BCL2L15: variants seen among roughly 807,000 people sequenced by gnomAD.
The protein encoded by BCL2L15 is bcl-2-like protein 15.
A neutral mutation model predicts 18.3 loss-of-function variants in BCL2L15; 15 were observed. The observed-to-expected ratio is 0.82, with a 90% CI of 0.55 to 1.26. The LOEUF is 1.26. Ranked by LOEUF, BCL2L15 falls within the 50% of genes most tolerant of loss-of-function variation. The probability of loss-of-function intolerance (pLI) is 0.00; values close to 1 mark genes in which losing one functional copy is unlikely to be tolerated. For missense variants in BCL2L15, 180 were observed against 201.7 expected, an observed-to-expected ratio of 0.89 and a Z score of 0.65; for synonymous variants, 58 against 68.5, an observed-to-expected ratio of 0.85 and a Z score of 0.76.
At chr1:113,881,718 T>A in intron 3 of BCL2L15, 55 bp downstream of exon 3, 1 of 1,540,958 alleles carries the variant, frequency 6.5e-7, no homozygotes, top group Non-Finnish European at 8.8e-7. Flanking sequence ...ATCCCAGGTA[T>A]TAGTACAAAA....
intron 1 of BCL2L15, 54 bp downstream of exon 1, chr1:113,887,195 G>T: frequency 1.3e-6 from 2 of 1,547,668 alleles, no homozygotes; most frequent in Non-Finnish European, 1.8e-6. Flanking sequence ...ACTGCGCCCG[G>T]CTGAAAACAT....
intron 2 of BCL2L15, among the ~76,000 whole-genome samples, chr1:113,882,758 T>G (rs922998867): frequency 2.0e-5 from 3 of 151,676 alleles, no homozygotes; most frequent in Admixed American, 2.0e-4. Context: ...GGGCAACATA[T>G]TGAGACCCTG....
At chr1:113,883,180 T>C (rs1047468488) in intron 2 of BCL2L15, among the ~76,000 whole-genome samples, 1 of 151,794 alleles carries the variant, frequency 6.6e-6, no homozygotes, top group Non-Finnish European at 1.5e-5. Flanking sequence ...TAAATATCAT[T>C]CTCCATTAAA....
Position 113,887,331 on chromosome 1 carries a change from C to T in BCL2L15, c.45G>A (p.Val15=). The T allele has an allele frequency of 6.2e-7, 1 of 1,614,146 alleles. No individual in the cohort carries two copies. Among genetic ancestry groups the T allele is most frequent in the African/African-American group, 1.3e-5 (1 of 75,046 alleles). The change falls in exon 1 of 4, where the codon GTG becomes GTA. Residue 15 remains valine, a synonymous_variant. Transcript: ENST00000393316. ...QTFEEQTECI[V]NTLLMDFLSP... ...TCAAGAAGTCCATGAGTAGAGTGTT[C>T]ACAATGCATTCCGTTTGTTCCTCAA...
At position 113,876,946 on chromosome 1, in the gene BCL2L15, G is replaced by T. The variant is rs539095451; in HGVS notation, c.*4177C>A. ...ATTCAGCAATCCTTTATCCTAGTGG[G>T]GAAGATGACTATACAGATAATTACA... On this transcript the variant is annotated 3_prime_UTR_variant, in exon 4 of 4. Transcript: ENST00000393316. Among the ~76,000 whole-genome samples, 1 of 152,136 alleles carries T rather than the reference G, an allele frequency of 6.6e-6. No homozygotes were observed. The highest frequency in any genetic ancestry group is 2.4e-5 in the African/African-American group (1 of 41,482).
chr1:113,887,144 C>T (rs1667061666), intron 1 of BCL2L15, 105 bp downstream of exon 1: 1 of 1,056,868 alleles, frequency 9.5e-7, no homozygotes, highest in Non-Finnish European at 1.4e-6. Context: ...GTGATCCACC[C>T]ACCTTGGCCT....
At chr1:113,882,945 GTAGT>G (rs758193313) in intron 2 of BCL2L15, among the ~76,000 whole-genome samples, 13 of 148,912 alleles carry the variant, frequency 8.7e-5, no homozygotes, top group East Asian at 4.2e-4. Flanking sequence ...CTCAAAAATA[GTAGT>G]TAATTAGAAT....
intron 2 of BCL2L15, among the ~76,000 whole-genome samples, chr1:113,885,911 A>G (rs1165904808): frequency 2.0e-5 from 3 of 149,178 alleles, no homozygotes; most frequent in Non-Finnish European, 4.5e-5. Flanking sequence ...CTCCATCTCA[A>G]AAAAAAAAAG....
rs1231075363 is a variant in BCL2L15 at position 113,881,136 on chromosome 1, T to C, written c.479A>G (p.Asn160Ser). Residue 160 changes from asparagine (N) to serine (S), a missense_variant, in exon 4 of 4, where the codon AAT becomes AGT. Physicochemically the swap from Asn to Ser is conservative, Grantham distance 46. Coordinates refer to ENST00000393316, the MANE Select transcript of BCL2L15 (RefSeq NM_001010922.3). ...EFIQGQGGWE[N>S]LES is the part of the protein sequence containing the mutation. ...AGCTCCAACTCTTCAGCTCTCCAGATTTTCCTAGGGAAGACAGAGAAAATC... is the reference window on the plus strand; with the variant it reads ...AGCTCCAACTCTTCAGCTCTCCAGACTTTCCTAGGGAAGACAGAGAAAATC... 3.7e-6 allele frequency: 6 copies of C among 1,614,158 alleles called. No individual in the cohort carries two copies. Among genetic ancestry groups the C allele is most frequent in the Non-Finnish European group, 5.1e-6 (6 of 1,180,010 alleles).
At position 113,884,389 on chromosome 1, in the gene BCL2L15, G is replaced by C. The variant is rs543702101; in HGVS notation, c.249+2148C>G. 3.4e-4 allele frequency among the ~76,000 whole-genome samples: 52 copies of C among 152,262 alleles called. No homozygotes were observed. The South Asian group carries it at 0.011, about 32-fold the overall frequency. On this transcript the variant is annotated intron_variant, in intron 2 of 3. Coordinates refer to ENST00000393316, the MANE Select transcript of BCL2L15 (RefSeq NM_001010922.3). ...GTCAAGGTCATGAAAATCAAGGAAA[G>C]ACTAAGGAAAAATTCCAGATTGAAG... is the stretch of plus-strand genomic sequence containing the variant.
intron 2 of BCL2L15, among the ~76,000 whole-genome samples, chr1:113,884,266 T>C (rs763182710): frequency 3.4e-4 from 52 of 152,210 alleles, no homozygotes; most frequent in Non-Finnish European, 5.6e-4. Context: ...TTCTGTGATA[T>C]TCCTGCCAAA....
rs1418194084 is a variant in BCL2L15, at chr1:113,881,067, T to A, written c.*56A>T. 1 of 1,612,936 alleles carries A rather than the reference T, an allele frequency of 6.2e-7. No homozygotes were observed. Among genetic ancestry groups the A allele is most frequent in the Admixed American group, 1.7e-5 (1 of 59,970 alleles). On this transcript the variant is annotated 3_prime_UTR_variant, in exon 4 of 4. Transcript: ENST00000393316. ...GTTTGTTTGAATTCCCAGGAATCAA[T>A]CACCCAATCAGTCAACAAGGAAGTG...
At position 113,879,100 on chromosome 1, in the gene BCL2L15, C is replaced by G. The variant is rs1666797864; in HGVS notation, c.*2023G>C. The G allele has an allele frequency of 6.6e-6, 1 of 152,252 alleles. No individual in the cohort carries two copies. The highest frequency in any genetic ancestry group is 1.5e-5 in the Non-Finnish European group (1 of 68,072). The allele number at this position is 152,252 out of a possible 1,614,324, so 9.4% of individuals were successfully genotyped here. On this transcript the variant is annotated 3_prime_UTR_variant, in exon 4 of 4. Coordinates refer to ENST00000393316, the MANE Select transcript of BCL2L15 (RefSeq NM_001010922.3). Reference sequence around the variant, plus strand: ...TCCTAACCTCAGGTGATCCACCCGCCTTGGCCTCCCAAAGTGCTGGGATTA... The same window carrying G: ...TCCTAACCTCAGGTGATCCACCCGCGTTGGCCTCCCAAAGTGCTGGGATTA...
chr1:113,883,369 C>A (rs982741820), intron 2 of BCL2L15, among the ~76,000 whole-genome samples: 8 of 151,750 alleles, frequency 5.3e-5, no homozygotes, highest in African/African-American at 2.4e-5. Flanking sequence ...GTAATCCCAG[C>A]TACTCAGGAG....
Position 113,883,408 on chromosome 1 carries a change from G to A in BCL2L15, c.250-1411C>T, listed in dbSNP as rs578074319. 3.3e-4 allele frequency among the ~76,000 whole-genome samples: 50 copies of A among 150,778 alleles called. No homozygotes were observed. The South Asian group carries it at 0.011, about 32-fold the overall frequency. ...GAGGCAGGAGAATCAGGTGAACCGG[G>A]GAGGCAGAGGTTGAAGAGAGCCGAG... On this transcript the variant is annotated intron_variant, in intron 2 of 3. Coordinates refer to ENST00000393316, the MANE Select transcript of BCL2L15 (RefSeq NM_001010922.3).
At chr1:113,886,440 A>G (rs1667037714) in intron 2 of BCL2L15, 97 bp downstream of exon 2, 2 of 1,262,466 alleles carry the variant, frequency 1.6e-6, no homozygotes, top group Non-Finnish European at 2.2e-6. Context: ...ATATTTTCAT[A>G]GAACATTCCT....
Position 113,880,474 on chromosome 1 carries a change from A to T in BCL2L15, c.*649T>A, listed in dbSNP as rs1280702517. 1 of 152,242 alleles carries T rather than the reference A, an allele frequency of 6.6e-6. No homozygotes were observed. The highest frequency in any genetic ancestry group is 1.9e-4 in the East Asian group (1 of 5,206). 9.4% of individuals were successfully genotyped at this position (152,242 alleles called of 1,614,324 possible). A position where few individuals can be genotyped will look rare whatever the true frequency, so the allele number is the denominator to read the frequency against. ...ACCTCATCTCTACTAAAAATACAAA[A>T]AATTAGCCGGGCGTGATGGCGGGCT... On this transcript the variant is annotated 3_prime_UTR_variant, in exon 4 of 4. Transcript: ENST00000393316.
chr1:113,880,986 A>G lies in BCL2L15; in HGVS notation c.*137T>C, dbSNP rs151212386. ...TCCCAACTTTAACAATCAGTAAAAA[A>G]TAACTTATTCAGCTAAGTTCAGTTC... On this transcript the variant is annotated 3_prime_UTR_variant, in exon 4 of 4. Transcript: ENST00000393316. The G allele has an allele frequency of 1.6e-3, 2,027 of 1,267,594 alleles. 34 individuals carry two copies. Among genetic ancestry groups the G allele is most frequent in the Non-Finnish European group, 2.9e-4 (256 of 893,006 alleles). 78.5% of individuals were successfully genotyped at this position (1,267,594 alleles called of 1,614,324 possible). A position where few individuals can be genotyped will look rare whatever the true frequency, so the allele number is the denominator to read the frequency against.
In BCL2L15 at chr1:113,878,830, G is replaced by A. The variant is rs925400867; in HGVS notation, c.*2293C>T. 2 of 151,768 alleles carry A rather than the reference G, an allele frequency of 1.3e-5. No individual in the cohort carries two copies. Among genetic ancestry groups the A allele is most frequent in the Non-Finnish European group, 2.9e-5 (2 of 67,900 alleles). 9.4% of individuals were successfully genotyped at this position (151,768 alleles called of 1,614,324 possible). On this transcript the variant is annotated 3_prime_UTR_variant, in exon 4 of 4. Coordinates refer to ENST00000393316, the MANE Select transcript of BCL2L15 (RefSeq NM_001010922.3). The stretch of plus-strand genomic sequence containing the variant: ...TTGTTGTGATTTAACTAGGAATAGA[G>A]GAAAAAGCATAACTTTATTTATTTT...
Sources: gnomAD v4.1 joint callset for allele counts (sites outside exome capture counted in the v4.1 genomes callset) on GRCh38, gnomAD v4.1.1 for gene constraint, MANE v1.5 for transcripts, NCBI Gene and HGNC (gene_info 2026-07-23, HGNC 2026-07-21) for gene names.